Variants in TAGLN3 observed in about 807,000 individuals in gnomAD.
TAGLN3 encodes transgelin 3.
A neutral mutation model predicts 25.4 loss-of-function variants in TAGLN3; 12 were observed. That is an observed-to-expected ratio of 0.47 (90% confidence interval 0.30 to 0.77). The LOEUF (loss-of-function observed/expected upper bound fraction) is 0.77. Ranked by LOEUF, TAGLN3 falls within the 30% of genes least tolerant of loss-of-function variation. The pLI is 0.06. For synonymous variants in TAGLN3, 96 were observed against 94.8 expected (o/e 1.01, Z -0.08); for missense variants, 218 against 255.8 (o/e 0.85, Z 1.01).
chr3:112,009,889 T>C (rs1559943888), intron 3 of TAGLN3, among the ~76,000 whole-genome samples: 1 of 152,084 alleles, frequency 6.6e-6, no homozygotes, highest in Non-Finnish European at 1.5e-5. Flanking sequence ...TCTAGGCTCC[T>C]GGATATCTTA....
chr3:112,003,701 C>T (rs1270728768), intron 3 of TAGLN3, among the ~76,000 whole-genome samples: 3 of 152,098 alleles, frequency 2.0e-5, no homozygotes, highest in African/African-American at 7.2e-5. Flanking sequence ...TGTCTGTGGC[C>T]ACTGTGGCTC....
At chr3:112,009,718 C>T (rs2072955144) in intron 3 of TAGLN3, among the ~76,000 whole-genome samples, 1 of 152,062 alleles carries the variant, frequency 6.6e-6, no homozygotes, top group East Asian at 1.9e-4. Context: ...CAGTGTCTAC[C>T]CTATAATTTA....
intron 1 of TAGLN3, 38 bp from the exon 2 acceptor site, chr3:111,999,383 A>C: frequency 6.2e-7 from 1 of 1,602,398 alleles, no homozygotes; most frequent in Non-Finnish European, 8.5e-7. Context: ...TGCTGCTGCT[A>C]TTGTGTGGAT....
rs1379714199 is a variant in TAGLN3 at position 112,013,662 on chromosome 3, G to C, written c.*111G>C. On this transcript the variant is annotated 3_prime_UTR_variant, in exon 5 of 5. Coordinates refer to ENST00000478951, the MANE Select transcript of TAGLN3 (RefSeq NM_001008272.2). Reference sequence around the variant, plus strand: ...CTTCTCCTCTTTCTCAAAGCCTTCTGTCCCTGGTTTTTGCAAGTGCTGCAT... The same window carrying C: ...CTTCTCCTCTTTCTCAAAGCCTTCTCTCCCTGGTTTTTGCAAGTGCTGCAT... 4 of 1,526,610 alleles carry C rather than the reference G, an allele frequency of 2.6e-6. No homozygotes were observed. In the South Asian group the frequency reaches 4.8e-5, roughly 18 times the overall value. 94.6% of individuals were successfully genotyped at this position (1,526,610 alleles called of 1,614,324 possible). A position where few individuals can be genotyped will look rare whatever the true frequency, so the allele number is the denominator to read the frequency against.
chr3:112,008,250 A>G (rs958914378), intron 3 of TAGLN3, among the ~76,000 whole-genome samples: 3 of 152,186 alleles, frequency 2.0e-5, no homozygotes, highest in Admixed American at 2.0e-4. Context: ...CTTTGTCATT[A>G]GGCAGATATG....
chr3:112,008,027 A>G (rs991610687), intron 3 of TAGLN3, among the ~76,000 whole-genome samples: 1 of 152,204 alleles, frequency 6.6e-6, no homozygotes, highest in Non-Finnish European at 1.5e-5. Flanking sequence ...GGCAACACCT[A>G]TAACTCTCAA....
Position 112,001,785 on chromosome 3 carries a change from G to T in TAGLN3, c.355+839G>T, listed in dbSNP as rs377664956. ...CTGTCATTAGTGGCCCAACCAACAG[G>T]ATCCCCAGGGCAGTGACCCAAATGG... On this transcript the variant is annotated intron_variant, in intron 3 of 4. Coordinates refer to ENST00000478951, the MANE Select transcript of TAGLN3 (RefSeq NM_001008272.2). Among the ~76,000 whole-genome samples, 49 of 152,310 alleles carry T rather than the reference G, an allele frequency of 3.2e-4. No homozygotes were observed. In the East Asian group the frequency reaches 5.0e-3, roughly 16 times the overall value.
intron 2 of TAGLN3, 129 bp downstream of exon 2, chr3:111,999,731 G>C: frequency 2.5e-6 from 3 of 1,222,438 alleles, no homozygotes; most frequent in South Asian, 1.5e-5. Flanking sequence ...GAGGGGATGA[G>C]AATGCCTTTA....
rs2073006535 is a variant in TAGLN3 at position 112,013,875 on chromosome 3, A to G, written c.*324A>G. 1 of 367,050 alleles carries G rather than the reference A, an allele frequency of 2.7e-6. No homozygotes were observed. The highest frequency in any genetic ancestry group is 5.2e-6 in the Non-Finnish European group (1 of 192,074). 22.7% of individuals were successfully genotyped at this position (367,050 alleles called of 1,614,324 possible). On this transcript the variant is annotated 3_prime_UTR_variant, in exon 5 of 5. Coordinates refer to ENST00000478951, the MANE Select transcript of TAGLN3 (RefSeq NM_001008272.2). ...ATAGAATGCACCTAATAAAGTAATT[A>G]GTCTTGTGTCTTACAGTGTAAAGTT...
At chr3:112,004,025 G>C (rs1414248960) in intron 3 of TAGLN3, among the ~76,000 whole-genome samples, 2 of 152,192 alleles carry the variant, frequency 1.3e-5, no homozygotes, top group Non-Finnish European at 2.9e-5. Flanking sequence ...AAGATTGAAG[G>C]CTTTAAAATG....
intron 3 of TAGLN3, among the ~76,000 whole-genome samples, chr3:112,009,881 T>C (rs1036037277): frequency 6.6e-6 from 1 of 152,090 alleles, no homozygotes; most frequent in African/African-American, 2.4e-5. Context: ...TTGATAGTTC[T>C]AGGCTCCTGG....
chr3:112,009,289 G>T (rs1363313753), intron 3 of TAGLN3, among the ~76,000 whole-genome samples: 1 of 152,194 alleles, frequency 6.6e-6, no homozygotes, highest in Non-Finnish European at 1.5e-5. Context: ...CTTTGTTTCA[G>T]TCTTGTTTGG....
At chr3:112,004,861 G>A (rs1037600874) in intron 3 of TAGLN3, among the ~76,000 whole-genome samples, 7 of 152,122 alleles carry the variant, frequency 4.6e-5, no homozygotes, top group Non-Finnish European at 5.9e-5. Flanking sequence ...TTGCGGGGGC[G>A]GGGGAGGTTG....
At chr3:112,007,290 C>T (rs895494851) in intron 3 of TAGLN3, among the ~76,000 whole-genome samples, 3 of 152,196 alleles carry the variant, frequency 2.0e-5, no homozygotes, top group African/African-American at 7.2e-5. Flanking sequence ...ATTAGGTTCA[C>T]TCTTGCTGTT....
intron 3 of TAGLN3, among the ~76,000 whole-genome samples, chr3:112,004,393 G>A (rs113772749): frequency 2.6e-5 from 4 of 152,088 alleles, no homozygotes; most frequent in East Asian, 1.9e-4. Context: ...GGTGGGGGGC[G>A]GGGGGTGTGT....
Position 112,008,811 on chromosome 3 carries a change from G to A in TAGLN3, c.356-2952G>A, listed in dbSNP as rs116376344. The stretch of plus-strand genomic sequence containing the variant: ...GGTCATAGTGTTATTTAGAATTTTG[G>A]CAATCATTAACTTAGTGTACTAGTC... On this transcript the variant is annotated intron_variant, in intron 3 of 4. Coordinates refer to ENST00000478951, the MANE Select transcript of TAGLN3 (RefSeq NM_001008272.2). Among the ~76,000 whole-genome samples, 691 of 152,256 alleles carry A rather than the reference G, an allele frequency of 4.5e-3. 2 individuals are homozygous for A. Among genetic ancestry groups the A allele is most frequent in the African/African-American group, 0.015 (631 of 41,560 alleles).
At chr3:112,007,484 G>A (rs556051981) in intron 3 of TAGLN3, among the ~76,000 whole-genome samples, 4 of 152,250 alleles carry the variant, frequency 2.6e-5, no homozygotes, top group Admixed American at 6.5e-5. Context: ...CATAAAGTAG[G>A]AATCATACAG....
chr3:112,000,198 A>G lies in TAGLN3; in HGVS notation c.181-574A>G, dbSNP rs938924540. On this transcript the variant is annotated intron_variant, in intron 2 of 4. Coordinates refer to ENST00000478951, the MANE Select transcript of TAGLN3 (RefSeq NM_001008272.2). Reference sequence around the variant, plus strand: ...AGCCCATCCTTTCCTGCAGTCTGTGATTTACTGTTACATAACTGCTATCCA... The same window carrying G: ...AGCCCATCCTTTCCTGCAGTCTGTGGTTTACTGTTACATAACTGCTATCCA... Among the ~76,000 whole-genome samples, 7 of 152,146 alleles carry G rather than the reference A, an allele frequency of 4.6e-5. 1 individual carries two copies. The highest frequency in any genetic ancestry group is 4.6e-4 in the Admixed American group (7 of 15,268).
chr3:112,000,840 A>C lies in TAGLN3; in HGVS notation c.249A>C (p.Ser83=). 6.2e-7 allele frequency: 1 copy of C among 1,614,204 alleles called. No homozygotes were observed. Among genetic ancestry groups the C allele is most frequent in the Non-Finnish European group, 8.5e-7 (1 of 1,180,026 alleles). ...AGCCCATACCCAAGATCTCAGAGTC[A>C]AAGATGGCTTTTAAGCAGATGGAGC... ...GQEPIPKISE[S]KMAFKQMEQI... Residue 83 remains serine, a synonymous_variant, in exon 3 of 5, where the codon TCA becomes TCC. Transcript: ENST00000478951.
Sources: gnomAD v4.1 joint callset for allele counts (sites outside exome capture counted in the v4.1 genomes callset) on GRCh38, gnomAD v4.1.1 for gene constraint, MANE v1.5 for transcripts, NCBI Gene and HGNC (gene_info 2026-07-23, HGNC 2026-07-21) for gene names.